The following UBE2V1 variants were observed in gnomAD, a reference collection of about 807,000 sequenced individuals.
UBE2V1 encodes ubiquitin conjugating enzyme E2 V1.
Under a neutral mutation model 19.6 loss-of-function variants are expected in UBE2V1, and 15 were observed. The ratio of observed to expected loss-of-function variants is 0.77; its 90% CI spans 0.51 to 1.18. The LOEUF is 1.18. Among genes scored for constraint, UBE2V1 ranks in the 50% most tolerant of loss-of-function variants. The pLI, the probability that UBE2V1 is intolerant of heterozygous loss-of-function variation, is 0.00. For synonymous variants in UBE2V1, 60 were observed against 60.7 expected (o/e 0.99, Z 0.05); for missense variants, 125 against 184.8 (o/e 0.68, Z 1.88).
chr20:50,096,796 C>T lies in UBE2V1; in HGVS notation c.47G>A (p.Arg16Gln), dbSNP rs73598397. 5.0e-5 allele frequency: 80 copies of T among 1,613,784 alleles called. No homozygotes were observed. The highest frequency in any genetic ancestry group is 6.6e-5 in the Non-Finnish European group (78 of 1,179,932). The change falls in exon 2 of 4, where the codon CGA becomes CAA. Residue 16 changes from arginine (R) to glutamine (Q), a missense_variant. Coordinates refer to ENST00000371674, the MANE Select transcript of UBE2V1 (RefSeq NM_001032288.3). Reference sequence around the variant, plus strand: ...GCCTTCTTCGAGTTCTTCCAACAGTCGGAAATTGCGAGGGACTTTTACTCC... The same window carrying T: ...GCCTTCTTCGAGTTCTTCCAACAGTTGGAAATTGCGAGGGACTTTTACTCC... ...GSGVKVPRNFRLLEELEEGQK... is the reference protein window; with the variant it reads ...GSGVKVPRNFQLLEELEEGQK...
rs1438818502 is a variant in UBE2V1 at position 50,101,467 on chromosome 20, G to T, written c.23-4647C>A. ...AAGTCTCGCTCTTGTTCCCTAGGCT[G>T]GAGTGCAATGACGCAATCTCAGCTC... is the stretch of plus-strand genomic sequence containing the variant. On this transcript the variant is annotated intron_variant, in intron 1 of 3. Coordinates refer to ENST00000371674, the MANE Select transcript of UBE2V1 (RefSeq NM_001032288.3). Among the ~76,000 whole-genome samples the T allele has an allele frequency of 3.0e-5, 4 of 131,582 alleles. No homozygotes were observed. The Admixed American group carries it at 3.4e-4, about 11-fold the overall frequency. 86.3% of individuals were successfully genotyped at this position (131,582 alleles called of 152,430 possible). A position where few individuals can be genotyped will look rare whatever the true frequency, so the allele number is the denominator to read the frequency against.
intron 1 of UBE2V1, among the ~76,000 whole-genome samples, chr20:50,099,615 G>A (rs1486561848): frequency 4.6e-5 from 7 of 152,144 alleles, no homozygotes; most frequent in African/African-American, 9.7e-5. Context: ...GGGCCTGTGC[G>A]ACTGTCATTC....
chr20:50,087,988 T>C (rs1171637811), intron 2 of UBE2V1, among the ~76,000 whole-genome samples: 7 of 151,904 alleles, frequency 4.6e-5, no homozygotes, highest in East Asian at 1.9e-4. Flanking sequence ...CTGGATATAT[T>C]TGTGTGCACA....
chr20:50,093,509 C>A (rs989760880), intron 2 of UBE2V1, among the ~76,000 whole-genome samples: 1 of 152,130 alleles, frequency 6.6e-6, no homozygotes, highest in Non-Finnish European at 1.5e-5. Context: ...ATAAAAACTA[C>A]AAGGGTGAAA....
chr20:50,098,405 T>C (rs1225428093), intron 1 of UBE2V1, among the ~76,000 whole-genome samples: 1 of 152,118 alleles, frequency 6.6e-6, no homozygotes, highest in Non-Finnish European at 1.5e-5. Flanking sequence ...TGTGTGAGGA[T>C]GAGAGTGAAG....
At chr20:50,092,313 C>T (rs2079288003) in intron 2 of UBE2V1, among the ~76,000 whole-genome samples, 1 of 152,152 alleles carries the variant, frequency 6.6e-6, no homozygotes, top group Non-Finnish European at 1.5e-5. Flanking sequence ...CAGAATAAGA[C>T]TCCATCTCAA....
At chr20:50,090,515 T>C (rs867702601) in intron 2 of UBE2V1, among the ~76,000 whole-genome samples, 3 of 147,214 alleles carry the variant, frequency 2.0e-5, no homozygotes, top group Admixed American at 6.8e-5. Context: ...CATGACAACA[T>C]AGATGAGCCT....
chr20:50,106,412 T>A (rs2869956), intron 1 of UBE2V1, among the ~76,000 whole-genome samples: 90,211 of 152,036 alleles, frequency 0.59, 28,709 homozygotes, highest in African/African-American at 0.85. Context: ...AACATATTAA[T>A]ATATTTGTGG....
chr20:50,109,073 A>G, intron 1 of UBE2V1: 1 of 985,458 alleles, frequency 1.0e-6, no homozygotes, highest in Non-Finnish European at 1.2e-6. Context: ...CTCCTCCCTC[A>G]GTAATGTGGG....
intron 2 of UBE2V1, among the ~76,000 whole-genome samples, chr20:50,091,149 C>A (rs1289221491): frequency 6.6e-6 from 1 of 152,038 alleles, no homozygotes; most frequent in Non-Finnish European, 1.5e-5. Context: ...TGGGTTCAAG[C>A]GATTCTCCCT....
At chr20:50,098,403 G>A (rs112675844) in intron 1 of UBE2V1, among the ~76,000 whole-genome samples, 4,294 of 152,306 alleles carry the variant, frequency 0.028, 81 homozygotes, top group South Asian at 0.048. Flanking sequence ...GCTGTGTGAG[G>A]ATGAGAGTGA....
intron 2 of UBE2V1, chr20:50,094,942 C>T (rs935324141): frequency 2.0e-5 from 3 of 152,110 alleles, no homozygotes; most frequent in African/African-American, 4.8e-5. Flanking sequence ...ATTACAACTT[C>T]CAAAGCCTCT....
chr20:50,083,290 G>A (rs1432639152), intron 3 of UBE2V1, among the ~76,000 whole-genome samples: 1 of 152,176 alleles, frequency 6.6e-6, no homozygotes, highest in Non-Finnish European at 1.5e-5. Context: ...AGGGCAGTAC[G>A]GACAGCCAAG....
intron 1 of UBE2V1, among the ~76,000 whole-genome samples, chr20:50,110,515 G>A (rs1345404982): frequency 1.3e-5 from 2 of 152,124 alleles, no homozygotes; most frequent in African/African-American, 4.8e-5. Context: ...GACCACACCT[G>A]GAAGACTTCT....
chr20:50,100,314 G>A (rs934596796), intron 1 of UBE2V1, among the ~76,000 whole-genome samples: 5 of 150,132 alleles, frequency 3.3e-5, no homozygotes, highest in East Asian at 2.0e-4. Flanking sequence ...AAGACGGGGC[G>A]CGGTGGCTCA....
chr20:50,108,176 G>A (rs2080514131), intron 1 of UBE2V1, among the ~76,000 whole-genome samples: 1 of 152,184 alleles, frequency 6.6e-6, no homozygotes, highest in South Asian at 2.1e-4. Flanking sequence ...AAATGGAAAG[G>A]GCAAGACTGA....
At chr20:50,094,132 AAT>A (rs2079443756) in intron 2 of UBE2V1, among the ~76,000 whole-genome samples, 1 of 137,182 alleles carries the variant, frequency 7.3e-6, no homozygotes, top group African/African-American at 2.7e-5. Flanking sequence ...TATATATTAT[AAT>A]TATATATCTT....
intron 2 of UBE2V1, among the ~76,000 whole-genome samples, chr20:50,088,659 G>A (rs1482952211): frequency 3.3e-5 from 5 of 151,826 alleles, no homozygotes; most frequent in Non-Finnish European, 7.4e-5. Flanking sequence ...GTGGTGGTGC[G>A]CCTGTGGTCT....
intron 2 of UBE2V1, 82 bp from the exon 3 acceptor site, chr20:50,084,336 C>T (rs759135780): frequency 1.9e-5 from 30 of 1,603,406 alleles, no homozygotes; most frequent in Non-Finnish European, 2.2e-5. Flanking sequence ...CCCATTTATC[C>T]CTGACTGTAG....
Sources: allele counts gnomAD v4.1 joint callset (sites outside exome capture counted in the v4.1 genomes callset), GRCh38; gene constraint gnomAD v4.1.1; transcripts MANE v1.5; gene names NCBI Gene and HGNC (gene_info 2026-07-23, HGNC 2026-07-21).